CACNA2D1: variants seen among roughly 807,000 people sequenced by gnomAD.
The protein encoded by CACNA2D1 is calcium voltage-gated channel auxiliary subunit alpha2delta 1.
Under a neutral mutation model 171.5 loss-of-function variants are expected in CACNA2D1, and 53 were observed. The observed-to-expected ratio is 0.31, with a 90% CI of 0.25 to 0.39. CACNA2D1 has a LOEUF of 0.39. CACNA2D1 is among the 10% of genes least tolerant of loss of function. CACNA2D1 has a pLI of 1.00. For synonymous variants in CACNA2D1, 442 were observed against 443.1 expected (o/e 1.00, Z 0.03); for missense variants, 903 against 1,299.8 (o/e 0.69, Z 4.69).
At chr7:82,282,920 C>A (rs1308604510) in intron 3 of CACNA2D1, among the ~76,000 whole-genome samples, 2 of 151,992 alleles carry the variant, frequency 1.3e-5, no homozygotes, top group Non-Finnish European at 2.9e-5. Flanking sequence ...TGCAATTCGC[C>A]TAATATAAGA....
At chr7:82,151,054 T>G (rs1383814497) in intron 4 of CACNA2D1, among the ~76,000 whole-genome samples, 1 of 152,162 alleles carries the variant, frequency 6.6e-6, no homozygotes, top group Non-Finnish European at 1.5e-5. Flanking sequence ...AAAACATGCA[T>G]AATTGTTAAA....
At chr7:82,107,335 A>G (rs1415013287) in intron 6 of CACNA2D1, among the ~76,000 whole-genome samples, 1 of 152,106 alleles carries the variant, frequency 6.6e-6, no homozygotes, top group African/African-American at 2.4e-5. Flanking sequence ...TCCAAAACAA[A>G]GAGTCAGCAT....
chr7:82,168,238 G>T (rs1795667329), intron 4 of CACNA2D1, among the ~76,000 whole-genome samples: 1 of 152,088 alleles, frequency 6.6e-6, no homozygotes, highest in East Asian at 1.9e-4. Context: ...CCACCTCCCA[G>T]GTTCAAGTGA....
Position 81,950,218 on chromosome 7 carries a change from T to C in CACNA2D1, c.*174A>G. 3 of 1,116,416 alleles carry C rather than the reference T, an allele frequency of 2.7e-6. No individual in the cohort carries two copies. In the East Asian group the frequency reaches 7.4e-5, roughly 27 times the overall value. 69.2% of individuals were successfully genotyped at this position (1,116,416 alleles called of 1,614,324 possible). On this transcript the variant is annotated 3_prime_UTR_variant, in exon 39 of 39. Coordinates refer to ENST00000356860, the MANE Select transcript of CACNA2D1 (RefSeq NM_000722.4). ...ACACACGTTTAAGGATCTGACACCC[T>C]GACATGCAGCCAGTGGGTGCCTTAG...
intron 6 of CACNA2D1, among the ~76,000 whole-genome samples, chr7:82,105,489 C>T (rs961275300): frequency 7.6e-6 from 1 of 131,732 alleles, no homozygotes; most frequent in African/African-American, 2.9e-5. Context: ...TAATGATTTT[C>T]TCCTCCAGGT....
intron 1 of CACNA2D1, among the ~76,000 whole-genome samples, chr7:82,358,683 T>C (rs73704235): frequency 0.022 from 3,382 of 151,866 alleles, 104 homozygotes; most frequent in South Asian, 0.11. Context: ...GTTTTTTTTT[T>C]CTGCTCGTGT....
intron 3 of CACNA2D1, among the ~76,000 whole-genome samples, chr7:82,182,337 T>C (rs781653024): frequency 2.6e-4 from 39 of 152,232 alleles, no homozygotes; most frequent in Non-Finnish European, 5.4e-4. Flanking sequence ...GGAAAAAATA[T>C]GGAAAGGCCC....
At chr7:82,020,335 C>T (rs749838659) in intron 12 of CACNA2D1, among the ~76,000 whole-genome samples, 1 of 152,132 alleles carries the variant, frequency 6.6e-6, no homozygotes, top group African/African-American at 2.4e-5. Context: ...TGTAGATTAC[C>T]ATCTTGACTC....
intron 3 of CACNA2D1, among the ~76,000 whole-genome samples, chr7:82,206,739 A>G (rs1028155612): frequency 1.3e-5 from 2 of 152,156 alleles, no homozygotes; most frequent in Admixed American, 6.6e-5. Context: ...TATTTTTCCA[A>G]TAGTGGCATT....
intron 3 of CACNA2D1, among the ~76,000 whole-genome samples, chr7:82,236,261 A>G (rs1563240219): frequency 6.6e-6 from 1 of 152,054 alleles, no homozygotes; most frequent in Non-Finnish European, 1.5e-5. Flanking sequence ...TTTCTGCACA[A>G]ATTTTAAAAG....
intron 16 of CACNA2D1, among the ~76,000 whole-genome samples, chr7:82,007,063 A>T (rs1184192019): frequency 6.6e-6 from 1 of 152,156 alleles, no homozygotes; most frequent in Non-Finnish European, 1.5e-5. Flanking sequence ...AGCATTTAAC[A>T]AATAATAAGT....
intron 6 of CACNA2D1, among the ~76,000 whole-genome samples, chr7:82,087,424 A>G (rs1159664382): frequency 6.6e-6 from 1 of 152,120 alleles, no homozygotes; most frequent in Non-Finnish European, 1.5e-5. Context: ...TACGGAGAGA[A>G]TATGTGTCTC....
chr7:82,208,764 AT>A (rs1800264378), intron 3 of CACNA2D1, among the ~76,000 whole-genome samples: 1 of 152,164 alleles, frequency 6.6e-6, no homozygotes, highest in Non-Finnish European at 1.5e-5. Context: ...CAAGAGTTGC[AT>A]TGTACAACAT....
chr7:82,127,392 C>A (rs1584845307), intron 5 of CACNA2D1, among the ~76,000 whole-genome samples: 1 of 152,204 alleles, frequency 6.6e-6, no homozygotes, highest in East Asian at 1.9e-4. Flanking sequence ...ACCACGCTTA[C>A]AATATAGCAC....
At chr7:81,978,483 A>T (rs1391243491) in intron 24 of CACNA2D1, among the ~76,000 whole-genome samples, 1 of 152,100 alleles carries the variant, frequency 6.6e-6, no homozygotes, top group Admixed American at 6.6e-5. Flanking sequence ...ACAGGAACAG[A>T]AAAACAAACA....
intron 10 of CACNA2D1, among the ~76,000 whole-genome samples, chr7:82,059,770 G>C (rs1280021304): frequency 6.6e-6 from 1 of 151,054 alleles, no homozygotes; most frequent in Non-Finnish European, 1.5e-5. Context: ...TGATAGACTG[G>C]ATTAAGAAAA....
At chr7:82,189,805 T>A (rs1798117592) in intron 3 of CACNA2D1, among the ~76,000 whole-genome samples, 1 of 151,876 alleles carries the variant, frequency 6.6e-6, no homozygotes, top group Admixed American at 6.6e-5. Flanking sequence ...ACTGACTTTT[T>A]TACCAGGCTA....
intron 15 of CACNA2D1, 67 bp from the exon 16 acceptor site, chr7:82,007,823 A>C: frequency 1.1e-5 from 10 of 871,176 alleles, no homozygotes; most frequent in Non-Finnish European, 1.8e-5. Context: ...GAGTGCACTA[A>C]CCTTTGATAT....
intron 34 of CACNA2D1, 122 bp downstream of exon 34, chr7:81,963,934 G>T: frequency 3.8e-6 from 3 of 780,404 alleles, no homozygotes; most frequent in Non-Finnish European, 6.6e-6. Flanking sequence ...TGTAAAGAAT[G>T]AAAACAACTT....
Sources: allele counts gnomAD v4.1 joint callset (sites outside exome capture counted in the v4.1 genomes callset), GRCh38; gene constraint gnomAD v4.1.1; transcripts MANE v1.5; gene names NCBI Gene and HGNC (gene_info 2026-07-23, HGNC 2026-07-21).